The following C12orf42 variants were observed in gnomAD, a reference collection of about 807,000 sequenced individuals.
The protein encoded by C12orf42 is chromosome 12 open reading frame 42, also known as uncharacterized protein C12orf42.
Under a neutral mutation model 21.6 loss-of-function variants are expected in C12orf42, and 25 were observed. The ratio of observed to expected loss-of-function variants is 1.16; its 90% confidence interval spans 0.84 to 1.62. The LOEUF (loss-of-function observed/expected upper bound fraction) is 1.62. Among genes scored for constraint, C12orf42 ranks in the 40% most tolerant of loss-of-function variants. The probability of loss-of-function intolerance (pLI) is 0.00; values close to 1 mark genes in which losing one functional copy is unlikely to be tolerated. For missense variants in C12orf42, 483 were observed against 459.3 expected (o/e 1.05, Z -0.47); for synonymous variants, 174 against 175.0 (o/e 0.99, Z 0.05).
At chr12:103,423,858 C>G (rs1440893046) in intron 2 of C12orf42, among the ~76,000 whole-genome samples, 1 of 152,156 alleles carries the variant, frequency 6.6e-6, no homozygotes, top group South Asian at 2.1e-4. Context: ...GTAAAGATAA[C>G]AAGTTGAGAA....
At chr12:103,147,571 G>T in the C12orf42 span, among the ~76,000 whole-genome samples, 4 of 48,512 alleles carry the variant, frequency 8.2e-5, no homozygotes, top group South Asian at 1.2e-3. Flanking sequence ...GGTTGTTATT[G>T]TGTCTCAGAA....
intron 4 of C12orf42, among the ~76,000 whole-genome samples, chr12:103,320,000 C>A (rs981612021): frequency 1.3e-5 from 2 of 152,172 alleles, no homozygotes; most frequent in African/African-American, 4.8e-5. Context: ...TGAATATTAA[C>A]ATGTGGCCTT....
chr12:103,438,486 A>T (rs1402754404), intron 2 of C12orf42, among the ~76,000 whole-genome samples: 1 of 152,086 alleles, frequency 6.6e-6, no homozygotes, highest in East Asian at 1.9e-4. Flanking sequence ...TGCAGATGAC[A>T]TGATTGTGTA....
At chr12:103,241,595 T>C (rs1436229177) in intron 10 of C12orf42, among the ~76,000 whole-genome samples, 1 of 152,228 alleles carries the variant, frequency 6.6e-6, no homozygotes, top group Non-Finnish European at 1.5e-5. Flanking sequence ...CTGGTCATTT[T>C]CTTCTCTGGG....
chr12:103,113,642 ACCT>A, the C12orf42 span, among the ~76,000 whole-genome samples: 1 of 152,098 alleles, frequency 6.6e-6, no homozygotes, highest in Non-Finnish European at 1.5e-5. Context: ...GCACATATTA[ACCT>A]CCTGACCCCA....
rs574102504 is a variant in C12orf42, at chr12:103,369,011, G to A, written c.148-13C>T. 2.0e-6 allele frequency: 3 copies of A among 1,474,450 alleles called. No homozygotes were observed. Among genetic ancestry groups the A allele is most frequent in the African/African-American group, 1.4e-5 (1 of 71,440 alleles). The allele number at this position is 1,474,450 out of a possible 1,614,324, so 91.3% of individuals were successfully genotyped here. On this transcript the variant is annotated splice_polypyrimidine_tract_variant and intron_variant, in intron 3 of 5. Transcript: ENST00000548883. Reference sequence around the variant, plus strand: ...AACAAGGGATGTGCTGTAAGATAGAGGAGAAAAATACACACAAAAAAATTA... The same window carrying A: ...AACAAGGGATGTGCTGTAAGATAGAAGAGAAAAATACACACAAAAAAATTA...
chr12:103,415,605 T>C (rs1460406630), intron 2 of C12orf42, among the ~76,000 whole-genome samples: 4 of 152,138 alleles, frequency 2.6e-5, no homozygotes, highest in African/African-American at 9.7e-5. Flanking sequence ...GCAATGAAAA[T>C]AGAAATCAAT....
intron 4 of C12orf42, among the ~76,000 whole-genome samples, chr12:103,326,591 CT>C: frequency 6.6e-6 from 1 of 152,318 alleles, no homozygotes; most frequent in East Asian, 1.9e-4. Flanking sequence ...GTTCTTCCTG[CT>C]TCTTGACTGC....
chr12:103,280,660 G>A (rs904733392), intron 4 of C12orf42, among the ~76,000 whole-genome samples: 3 of 152,108 alleles, frequency 2.0e-5, no homozygotes, highest in Non-Finnish European at 4.4e-5. Context: ...ACAGAAACAA[G>A]TAAAGGATAA....
chr12:103,125,347 T>C, the C12orf42 span, among the ~76,000 whole-genome samples: 1 of 152,106 alleles, frequency 6.6e-6, no homozygotes, highest in Non-Finnish European at 1.5e-5. Flanking sequence ...CCAATAAAAT[T>C]ATCTATGACC....
the C12orf42 span, among the ~76,000 whole-genome samples, chr12:103,123,775 TA>T: frequency 3.3e-5 from 5 of 151,702 alleles, no homozygotes; most frequent in African/African-American, 1.2e-4. Context: ...ATATTAAATA[TA>T]TTAACATATA....
chr12:103,139,668 T>C, the C12orf42 span, among the ~76,000 whole-genome samples: 4 of 152,100 alleles, frequency 2.6e-5, no homozygotes, highest in African/African-American at 9.7e-5. Context: ...ATAGGCTGAC[T>C]TTGAGGTCCA....
At chr12:103,103,370 A>G in the C12orf42 span, among the ~76,000 whole-genome samples, 7 of 152,218 alleles carry the variant, frequency 4.6e-5, no homozygotes, top group Non-Finnish European at 1.0e-4. Flanking sequence ...CCTATAAGGT[A>G]AGGATCTTCC....
chr12:103,259,860 G>T (rs1206717617), intron 10 of C12orf42, among the ~76,000 whole-genome samples: 1 of 152,046 alleles, frequency 6.6e-6, no homozygotes, highest in African/African-American at 2.4e-5. Context: ...ATTAATTCTG[G>T]AAACAACCAT....
At chr12:103,508,938 G>T in the C12orf42 span, among the ~76,000 whole-genome samples, 1 of 152,176 alleles carries the variant, frequency 6.6e-6, no homozygotes. Context: ...CTAAGTATTT[G>T]AAGTACTTTA....
chr12:103,461,382 G>A (rs1397488931), intron 2 of C12orf42, among the ~76,000 whole-genome samples: 2 of 152,062 alleles, frequency 1.3e-5, no homozygotes, highest in African/African-American at 4.8e-5. Flanking sequence ...ATGATGTCAT[G>A]GGCTTAGAAA....
chr12:103,072,509 T>G, the C12orf42 span, among the ~76,000 whole-genome samples: 1 of 151,652 alleles, frequency 6.6e-6, no homozygotes. Flanking sequence ...TCTCCTGAAA[T>G]AGGCAATTTT....
chr12:103,557,031 C>A, the C12orf42 span, among the ~76,000 whole-genome samples: 1 of 151,780 alleles, frequency 6.6e-6, no homozygotes, highest in African/African-American at 2.4e-5. Context: ...TTCTGAATAG[C>A]CTCCAGAACT....
chr12:103,354,107 T>C (rs2043326166), intron 4 of C12orf42, among the ~76,000 whole-genome samples: 1 of 152,132 alleles, frequency 6.6e-6, no homozygotes, highest in Non-Finnish European at 1.5e-5. Context: ...GAAGCAACAA[T>C]GAGTCATCTG....
Sources: gnomAD v4.1 joint callset for allele counts (sites outside exome capture counted in the v4.1 genomes callset) on GRCh38, gnomAD v4.1.1 for gene constraint, MANE v1.5 for transcripts, NCBI Gene and HGNC (gene_info 2026-07-23, HGNC 2026-07-21) for gene names.